Variants in PPP3R1 observed in about 807,000 individuals in gnomAD.
PPP3R1 encodes calcineurin subunit B type 1.
Under a neutral mutation model 22.6 loss-of-function variants are expected in PPP3R1, and 5 were observed. The observed-to-expected ratio is 0.22, with a 90% CI of 0.12 to 0.46. The LOEUF (loss-of-function observed/expected upper bound fraction) is 0.46. PPP3R1 is among the 20% of genes least tolerant of loss of function. The pLI, the probability that PPP3R1 is intolerant of heterozygous loss-of-function variation, is 0.99. For synonymous variants in PPP3R1, 56 were observed against 65.2 expected (o/e 0.86, Z 0.68); for missense variants, 61 against 203.2 (o/e 0.30, Z 4.25).
intron 1 of PPP3R1, among the ~76,000 whole-genome samples, chr2:68,238,143 AAT>A (rs1396278755): frequency 2.0e-4 from 30 of 152,246 alleles, no homozygotes; most frequent in African/African-American, 7.2e-4. Context: ...CTAGATGACT[AAT>A]ATAACTTAGC....
intron 1 of PPP3R1, among the ~76,000 whole-genome samples, chr2:68,219,207 T>C (rs1365862877): frequency 6.6e-6 from 1 of 152,184 alleles, no homozygotes; most frequent in African/African-American, 2.4e-5. Flanking sequence ...ATCTCTATCC[T>C]ACACTCCCCA....
intron 5 of PPP3R1, among the ~76,000 whole-genome samples, chr2:68,182,957 C>G (rs1453088034): frequency 6.6e-6 from 1 of 152,104 alleles, no homozygotes; most frequent in Non-Finnish European, 1.5e-5. Flanking sequence ...TGAAAGCACT[C>G]TTTGAGCCTT....
At chr2:68,213,558 T>A (rs947912624) in intron 2 of PPP3R1, among the ~76,000 whole-genome samples, 1 of 152,066 alleles carries the variant, frequency 6.6e-6, no homozygotes, top group African/African-American at 2.4e-5. Flanking sequence ...CATACAGATA[T>A]AATAATGAAA....
At chr2:68,213,270 A>C (rs1004413657) in intron 2 of PPP3R1, among the ~76,000 whole-genome samples, 3 of 152,232 alleles carry the variant, frequency 2.0e-5, no homozygotes, top group Non-Finnish European at 1.5e-5. Flanking sequence ...AATAAGCTTC[A>C]TCATTTCTAA....
rs149933114 is a variant in PPP3R1 at position 68,187,100 on chromosome 2, G to T, written c.280+155C>A. The stretch of plus-strand genomic sequence containing the variant: ...TTATTCAAATATAGTAGTTGGAAAT[G>T]TCCTAAAAGGATTTTCACCAGAATG... On this transcript the variant is annotated intron_variant, in intron 4 of 5. Transcript: ENST00000234310. 2.2e-4 allele frequency among the ~76,000 whole-genome samples: 34 copies of T among 152,276 alleles called. No homozygotes were observed. In the East Asian group the frequency reaches 5.8e-3, roughly 26 times the overall value.
chr2:68,186,923 T>C (rs1674559008), intron 4 of PPP3R1, among the ~76,000 whole-genome samples: 1 of 152,198 alleles, frequency 6.6e-6, no homozygotes, highest in African/African-American at 2.4e-5. Flanking sequence ...CTGGATATAG[T>C]AACAACTCCA....
intron 3 of PPP3R1, 66 bp from the exon 4 acceptor site, chr2:68,187,380 C>T: frequency 7.8e-7 from 1 of 1,287,928 alleles, no homozygotes; most frequent in Non-Finnish European, 1.1e-6. Context: ...AACATATTTA[C>T]CTTACATACC....
intron 2 of PPP3R1, among the ~76,000 whole-genome samples, chr2:68,213,443 A>G (rs757620371): frequency 4.6e-5 from 7 of 152,236 alleles, no homozygotes; most frequent in Non-Finnish European, 7.3e-5. Context: ...TACAGCAGTC[A>G]GAACACAGAC....
intron 1 of PPP3R1, among the ~76,000 whole-genome samples, chr2:68,221,864 T>TTTTATA (rs1455335134): frequency 6.6e-6 from 1 of 152,004 alleles, no homozygotes; most frequent in Non-Finnish European, 1.5e-5. Flanking sequence ...AACTATCAGT[T>TTTTATA]TTTATATCCA....
At chr2:68,187,349 C>A (rs756051840) in intron 3 of PPP3R1, 35 bp from the exon 4 acceptor site, 4 of 1,553,348 alleles carry the variant, frequency 2.6e-6, no homozygotes, top group Non-Finnish European at 3.5e-6. Flanking sequence ...CAAATCAGAA[C>A]TTCCAATTTT....
At chr2:68,225,045 C>A (rs1669756537) in intron 1 of PPP3R1, among the ~76,000 whole-genome samples, 1 of 152,204 alleles carries the variant, frequency 6.6e-6, no homozygotes, top group Non-Finnish European at 1.5e-5. Context: ...AATGGACACA[C>A]AAAGTGTAAC....
rs745790973 is a variant in PPP3R1 at position 68,186,458 on chromosome 2, T to C, written c.465+10A>G. The C allele has an allele frequency of 8.8e-6, 14 of 1,599,080 alleles. No homozygotes were observed. The African/African-American group carries it at 1.3e-4, about 15-fold the overall frequency. On this transcript the variant is annotated intron_variant, in intron 5 of 5. Transcript: ENST00000234310. ...ATAACTAACGGAAGAACCAGCTCTT[T>C]TGTACTTACAGCACAGAATTCTTCA... is the stretch of plus-strand genomic sequence containing the variant.
chr2:68,219,091 C>A (rs1030986408), intron 1 of PPP3R1, among the ~76,000 whole-genome samples: 9 of 152,106 alleles, frequency 5.9e-5, no homozygotes, highest in Admixed American at 1.3e-4. Flanking sequence ...TTCAATAGCT[C>A]CCACCTGCCT....
intron 2 of PPP3R1, among the ~76,000 whole-genome samples, chr2:68,211,292 A>T (rs950016264): frequency 7.3e-5 from 11 of 151,254 alleles, no homozygotes; most frequent in Non-Finnish European, 1.6e-4. Context: ...CTGTAGTCCC[A>T]GCTACTCAGG....
chr2:68,218,408 T>C (rs564308520), intron 1 of PPP3R1, among the ~76,000 whole-genome samples: 1 of 152,264 alleles, frequency 6.6e-6, no homozygotes, highest in East Asian at 1.9e-4. Context: ...ATAATTGCAA[T>C]TTTCCAGAAC....
At chr2:68,247,237 G>A (rs1325605565) in intron 1 of PPP3R1, among the ~76,000 whole-genome samples, 1 of 152,172 alleles carries the variant, frequency 6.6e-6, no homozygotes, top group Non-Finnish European at 1.5e-5. Flanking sequence ...GTAGGGATGA[G>A]CCACTGTGCC....
rs201619605 is a variant in PPP3R1, at chr2:68,182,055, C to CATCT, written c.466-1049_466-1046dup. 5.8e-3 allele frequency among the ~76,000 whole-genome samples: 812 copies of CATCT among 141,110 alleles called. 21 individuals carry two copies. The highest frequency in any genetic ancestry group is 0.021 in the African/African-American group (785 of 37,050). 92.6% of individuals were successfully genotyped at this position (141,110 alleles called of 152,430 possible). The stretch of plus-strand genomic sequence containing the variant: ...GCACCCAGATCTTCCAGTCACCAGA[C>CATCT]ATCTCCCCTCCTCCAACCCCCCCCT... On this transcript the variant is annotated intron_variant, in intron 5 of 5. Transcript: ENST00000234310.
At chr2:68,249,943 T>C (rs1558646994) in intron 1 of PPP3R1, among the ~76,000 whole-genome samples, 1 of 152,228 alleles carries the variant, frequency 6.6e-6, no homozygotes, top group East Asian at 1.9e-4. Context: ...CAGAATTGTA[T>C]GTTCAATTAA....
chr2:68,203,550 G>T (rs1299723721), intron 2 of PPP3R1, among the ~76,000 whole-genome samples: 1 of 151,256 alleles, frequency 6.6e-6, no homozygotes, highest in African/African-American at 2.4e-5. Flanking sequence ...GCAGTGTGCC[G>T]AGATCGCGCC....
Sources: allele counts gnomAD v4.1 joint callset (sites outside exome capture counted in the v4.1 genomes callset), GRCh38; gene constraint gnomAD v4.1.1; transcripts MANE v1.5; gene names NCBI Gene and HGNC (gene_info 2026-07-23, HGNC 2026-07-21).